OPRD1: variants seen among roughly 807,000 people sequenced by gnomAD.
OPRD1 encodes opioid receptor delta 1, also known as delta-type opioid receptor.
In OPRD1, 19 loss-of-function variants were observed where a neutral mutation model predicts 17.5. The observed-to-expected ratio is 1.09, with a 90% CI of 0.76 to 1.60. The LOEUF (loss-of-function observed/expected upper bound fraction) is 1.60. Ranked by LOEUF, OPRD1 falls within the 40% of genes most tolerant of loss-of-function variation. The pLI is 0.00. For synonymous variants in OPRD1, 256 were observed against 240.9 expected, an observed-to-expected ratio of 1.06 and a Z score of -0.58; for missense variants, 483 against 547.2, an observed-to-expected ratio of 0.88 and a Z score of 1.17.
rs2089144916 is a variant in OPRD1, at chr1:28,863,388, G to A, written c.*105G>A. 3 of 1,270,262 alleles carry A rather than the reference G, an allele frequency of 2.4e-6. No individual in the cohort carries two copies. Among genetic ancestry groups the A allele is most frequent in the South Asian group, 1.8e-5 (1 of 56,802 alleles). 78.7% of individuals were successfully genotyped at this position (1,270,262 alleles called of 1,614,324 possible). On this transcript the variant is annotated 3_prime_UTR_variant, in exon 3 of 3. Transcript: ENST00000234961. ...ATGTGGAGTGGGGCAGTAGAAGGTC[G>A]GAGGCTTGGGACCGCCAGATGGGGC...
At chr1:28,857,938 G>A (rs538976201) in intron 1 of OPRD1, among the ~76,000 whole-genome samples, 24 of 151,510 alleles carry the variant, frequency 1.6e-4, no homozygotes, top group Admixed American at 1.6e-3. Flanking sequence ...GACAACAGGC[G>A]TGCACCACTA....
intron 1 of OPRD1, among the ~76,000 whole-genome samples, chr1:28,834,889 G>A (rs775714099): frequency 2.6e-4 from 39 of 152,028 alleles, no homozygotes; most frequent in Non-Finnish European, 4.7e-4. Context: ...GCTCCTCACC[G>A]CCCTTCCAGC....
intron 2 of OPRD1, among the ~76,000 whole-genome samples, chr1:28,860,245 G>A (rs904471302): frequency 6.6e-6 from 1 of 151,948 alleles, no homozygotes; most frequent in Admixed American, 6.6e-5. Flanking sequence ...GGCGTCTGTA[G>A]TCCCAGCTAC....
chr1:28,870,662 C>G lies in OPRD1; in HGVS notation c.*7379C>G, dbSNP rs1557584061. ...TGGAAAGCAGTTCTTAAGAGGACAT[C>G]TTTTCCCAAGCTCCTTAGCCTTAGC... On this transcript the variant is annotated 3_prime_UTR_variant, in exon 3 of 3. Coordinates refer to ENST00000234961, the MANE Select transcript of OPRD1 (RefSeq NM_000911.4). The G allele has an allele frequency of 6.6e-6, 1 of 152,224 alleles. No individual in the cohort carries two copies. The allele number at this position is 152,224 out of a possible 1,614,324, so 9.4% of individuals were successfully genotyped here.
chr1:28,812,830 C>T (rs1459259140), intron 1 of OPRD1, among the ~76,000 whole-genome samples: 1 of 152,110 alleles, frequency 6.6e-6, no homozygotes, highest in Non-Finnish European at 1.5e-5. Context: ...GGGGGGAGTG[C>T]GCCGCGGTTG....
intron 1 of OPRD1, among the ~76,000 whole-genome samples, chr1:28,847,058 C>CCCTTTCCTTTCT (rs2088960451): frequency 6.6e-6 from 1 of 150,450 alleles, no homozygotes; most frequent in Admixed American, 6.7e-5. Context: ...CTTTCCTGTC[C>CCCTTTCCTTTCT]CCTTTCCTTT....
intron 1 of OPRD1, among the ~76,000 whole-genome samples, chr1:28,835,647 G>A (rs2088845667): frequency 6.6e-6 from 1 of 152,254 alleles, no homozygotes; most frequent in African/African-American, 2.4e-5. Flanking sequence ...CTGACTGGCA[G>A]TAGCTTCATT....
At chr1:28,857,798 CT>C (rs1557579690) in intron 1 of OPRD1, among the ~76,000 whole-genome samples, 1 of 151,906 alleles carries the variant, frequency 6.6e-6, no homozygotes, top group South Asian at 2.1e-4. Flanking sequence ...TAGGATTTTT[CT>C]TTTTTGTTTT....
intron 1 of OPRD1, among the ~76,000 whole-genome samples, chr1:28,824,811 A>C (rs2088750326): frequency 1.3e-5 from 2 of 152,122 alleles, no homozygotes; most frequent in South Asian, 4.1e-4. Context: ...AAATCAGAAG[A>C]GTGTTGTTCT....
chr1:28,839,599 G>C (rs948035984), intron 1 of OPRD1, among the ~76,000 whole-genome samples: 3 of 152,160 alleles, frequency 2.0e-5, no homozygotes, highest in African/African-American at 7.2e-5. Context: ...GTGCGACTGG[G>C]TGTAGACGTT....
intron 1 of OPRD1, among the ~76,000 whole-genome samples, chr1:28,843,933 A>G (rs1339186223): frequency 3.3e-5 from 5 of 152,176 alleles, no homozygotes; most frequent in African/African-American, 1.2e-4. Flanking sequence ...CCTTTTAGCT[A>G]TTATGAAGAA....
At chr1:28,836,850 T>C (rs2088857242) in intron 1 of OPRD1, among the ~76,000 whole-genome samples, 1 of 152,108 alleles carries the variant, frequency 6.6e-6, no homozygotes, top group Non-Finnish European at 1.5e-5. Context: ...TGCCCAGCTA[T>C]TTTTTATAGC....
intron 1 of OPRD1, among the ~76,000 whole-genome samples, chr1:28,814,480 G>T (rs1336213966): frequency 2.6e-5 from 4 of 152,192 alleles, no homozygotes; most frequent in African/African-American, 4.8e-5. Context: ...TCCTAAGGTG[G>T]GCCTGAGAGT....
chr1:28,868,830 ACT>A lies in OPRD1; in HGVS notation c.*5550_*5551del, dbSNP rs2089195314. On this transcript the variant is annotated 3_prime_UTR_variant, in exon 3 of 3. Coordinates refer to ENST00000234961, the MANE Select transcript of OPRD1 (RefSeq NM_000911.4). ...ACTCCAGCCTGGGCGACAGAGCGAG[ACT>A]CTGTCTGAAAAAAAAAAAAAATTAA... 6.7e-6 allele frequency: 1 copy of A among 148,952 alleles called. No individual in the cohort carries two copies. Among genetic ancestry groups the A allele is most frequent in the South Asian group, 2.1e-4 (1 of 4,688 alleles). The allele number at this position is 148,952 out of a possible 1,614,324, so 9.2% of individuals were successfully genotyped here.
intron 1 of OPRD1, among the ~76,000 whole-genome samples, chr1:28,815,416 C>G (rs1027495516): frequency 1.5e-4 from 23 of 152,226 alleles, no homozygotes; most frequent in Admixed American, 6.5e-5. Context: ...TGTCCCTCCT[C>G]TTGTCTTAGA....
In OPRD1 at chr1:28,863,296, G is replaced by GC; in HGVS notation, c.*18dup. The GC allele has an allele frequency of 7.1e-7, 1 of 1,417,304 alleles. No homozygotes were observed. Among genetic ancestry groups the GC allele is most frequent in the Non-Finnish European group, 9.1e-7 (1 of 1,096,540 alleles). The allele number at this position is 1,417,304 out of a possible 1,614,324, so 87.8% of individuals were successfully genotyped here. A position where few individuals can be genotyped will look rare whatever the true frequency, so the allele number is the denominator to read the frequency against. On this transcript the variant is annotated 3_prime_UTR_variant, in exon 3 of 3. Transcript: ENST00000234961. ...CGCTGCCGCCTGACCAGGCCATCCG[G>GC]CCCCCAGAGCGCCCCTCCCTAGTGA...
chr1:28,854,072 T>A (rs2089033294), intron 1 of OPRD1, among the ~76,000 whole-genome samples: 1 of 151,930 alleles, frequency 6.6e-6, no homozygotes, highest in East Asian at 1.9e-4. Context: ...GCTATATACA[T>A]ATATGTAATT....
At chr1:28,828,807 T>G (rs1278379841) in intron 1 of OPRD1, among the ~76,000 whole-genome samples, 2 of 150,210 alleles carry the variant, frequency 1.3e-5, no homozygotes, top group African/African-American at 2.4e-5. Context: ...CTGACCAACA[T>G]AGTGAAACAC....
At chr1:28,854,734 C>T (rs1046687827) in intron 1 of OPRD1, among the ~76,000 whole-genome samples, 2 of 151,828 alleles carry the variant, frequency 1.3e-5, no homozygotes, top group Non-Finnish European at 2.9e-5. Flanking sequence ...CTCACTGCAA[C>T]CTCCGCCTCC....
Sources: gnomAD v4.1 joint callset for allele counts (sites outside exome capture counted in the v4.1 genomes callset) on GRCh38, gnomAD v4.1.1 for gene constraint, MANE v1.5 for transcripts, NCBI Gene and HGNC (gene_info 2026-07-23, HGNC 2026-07-21) for gene names.